APPL1: variants seen among roughly 807,000 people sequenced by gnomAD.
The protein encoded by APPL1 is adaptor protein, phosphotyrosine interacting with PH domain and leucine zipper 1, also known as DCC-interacting protein 13-alpha.
Under a neutral mutation model 106.8 loss-of-function variants are expected in APPL1, and 42 were observed. That is an observed-to-expected ratio of 0.39 (90% CI 0.31 to 0.51). The LOEUF is 0.51. Among genes scored for constraint, APPL1 ranks in the 20% least tolerant of loss-of-function variants. APPL1 has a pLI of 0.75. For synonymous variants in APPL1, 263 were observed against 281.8 expected (o/e 0.93, Z 0.67); for missense variants, 769 against 858.2 (o/e 0.90, Z 1.30).
intron 4 of APPL1, 137 bp from the exon 5 acceptor site, chr3:57,240,328 A>G: frequency 1.5e-6 from 1 of 658,616 alleles, no homozygotes; most frequent in South Asian, 1.9e-5. Context: ...AGTATTTTGT[A>G]CTATATCACA....
intron 13 of APPL1, among the ~76,000 whole-genome samples, chr3:57,255,952 A>G (rs1034974220): frequency 6.6e-6 from 1 of 152,202 alleles, no homozygotes; most frequent in Non-Finnish European, 1.5e-5. Context: ...TTTTATCTGT[A>G]TTAGTGAGAA....
chr3:57,265,561 C>G (rs575770066), intron 19 of APPL1, among the ~76,000 whole-genome samples: 1 of 152,046 alleles, frequency 6.6e-6, no homozygotes, highest in African/African-American at 2.4e-5. Context: ...AGATTGTTCA[C>G]TGTTGGCATA....
At chr3:57,242,267 A>C in intron 6 of APPL1, 125 bp downstream of exon 6, 1 of 682,674 alleles carries the variant, frequency 1.5e-6, no homozygotes, top group South Asian at 2.5e-5. Context: ...ACATTACTTA[A>C]ATCAGTATTG....
Position 57,238,047 on chromosome 3 carries a change from T to G in APPL1, c.216T>G (p.Arg72=), listed in dbSNP as rs1464180060. ...CTCATCTGTTTCTTGCTTTTCAGCGTTTTCCATTGGGAGGTGATGATGAAG... is the reference window on the plus strand; with the variant it reads ...CTCATCTGTTTCTTGCTTTTCAGCGGTTTCCATTGGGAGGTGATGATGAAG... ...SKLLKEYEKQ[R]FPLGGDDEVM... Residue 72 remains arginine (R), a splice_region_variant and synonymous_variant, in exon 4 of 22, where the codon CGT becomes CGG. Coordinates refer to ENST00000288266, the MANE Select transcript of APPL1 (RefSeq NM_012096.3). 4 of 1,607,672 alleles carry G rather than the reference T, an allele frequency of 2.5e-6. No homozygotes were observed. In the African/African-American group the frequency reaches 5.4e-5, roughly 22 times the overall value.
chr3:57,250,814 T>TC (rs2060799752), intron 11 of APPL1, among the ~76,000 whole-genome samples: 1 of 144,800 alleles, frequency 6.9e-6, no homozygotes, highest in African/African-American at 2.5e-5. Flanking sequence ...CTTTTTTTTT[T>TC]TTTTTTTTTT....
chr3:57,230,263 A>G (rs947945580), intron 1 of APPL1, among the ~76,000 whole-genome samples: 1 of 152,120 alleles, frequency 6.6e-6, no homozygotes, highest in Admixed American at 6.5e-5. Context: ...AAATCATTCA[A>G]CTTCTCTGAA....
chr3:57,268,163 C>T, intron 20 of APPL1: 1 of 488,436 alleles, frequency 2.0e-6, no homozygotes, highest in Non-Finnish European at 3.6e-6. Context: ...TTAGCTCTTT[C>T]ATATTAGCAA....
chr3:57,250,980 TG>T, intron 11 of APPL1, among the ~76,000 whole-genome samples: 1 of 148,856 alleles, frequency 6.7e-6, no homozygotes, highest in East Asian at 2.0e-4. Context: ...GCTAATTTTT[TG>T]TATTTTTAGT....
At chr3:57,254,407 G>A (rs2060824164) in intron 13 of APPL1, among the ~76,000 whole-genome samples, 2 of 152,186 alleles carry the variant, frequency 1.3e-5, no homozygotes, top group African/African-American at 4.8e-5. Context: ...AAAACAGGAT[G>A]TAACTGAAAG....
In APPL1 at chr3:57,248,210, A is replaced by C. The variant is rs201812017; in HGVS notation, c.722A>C (p.Asp241Ala). Residue 241 changes from aspartate to alanine, a missense_variant, in exon 10 of 22, where the codon GAC becomes GCC. Physicochemically the swap from Asp to Ala is moderately radical, Grantham distance 126. Coordinates refer to ENST00000288266, the MANE Select transcript of APPL1 (RefSeq NM_012096.3). Reference protein sequence around the residue: ...TSVQNVRREMDSDIETMQQTI... With the variant: ...TSVQNVRREMASDIETMQQTI... ...TGTGTCAGTGTTCGCAGGGAAATGG[A>C]CAGTGATATAGAGACCATGCAACAG... 6.2e-7 allele frequency: 1 copy of C among 1,612,726 alleles called. No homozygotes were observed. Among genetic ancestry groups the C allele is most frequent in the African/African-American group, 1.3e-5 (1 of 75,020 alleles).
intron 1 of APPL1, among the ~76,000 whole-genome samples, chr3:57,232,577 A>G (rs1251911139): frequency 6.6e-6 from 1 of 152,222 alleles, no homozygotes; most frequent in Non-Finnish European, 1.5e-5. Flanking sequence ...AAATTTGCTG[A>G]ATGAGTATCA....
intron 7 of APPL1, among the ~76,000 whole-genome samples, chr3:57,244,275 C>T (rs558131383): frequency 6.6e-6 from 1 of 152,016 alleles, no homozygotes; most frequent in African/African-American, 2.4e-5. Flanking sequence ...CCTGTTTCAG[C>T]CTCCCCAGTA....
chr3:57,230,845 G>A lies in APPL1; in HGVS notation c.54+2908G>A, dbSNP rs913249874. The A allele has an allele frequency of 9.7e-6, 4 of 412,412 alleles. No individual in the cohort carries two copies. The East Asian group carries it at 2.4e-4, about 25-fold the overall frequency. 25.5% of individuals were successfully genotyped at this position (412,412 alleles called of 1,614,324 possible). A position where few individuals can be genotyped will look rare whatever the true frequency, so the allele number is the denominator to read the frequency against. The stretch of plus-strand genomic sequence containing the variant: ...ATTGCAGTGGCACAGCCATAGCTCT[G>A]AAACCTCAAACTCCTGGGCACACGC... On this transcript the variant is annotated intron_variant, in intron 1 of 21. Coordinates refer to ENST00000288266, the MANE Select transcript of APPL1 (RefSeq NM_012096.3).
At chr3:57,248,536 C>G (rs1053540028) in intron 10 of APPL1, among the ~76,000 whole-genome samples, 185 bp downstream of exon 10, 1 of 152,106 alleles carries the variant, frequency 6.6e-6, no homozygotes, top group East Asian at 1.9e-4. Context: ...GAAGTAAAAT[C>G]CTACCTAGAT....
In APPL1 at chr3:57,269,554, A is replaced by T; in HGVS notation, c.1997A>T (p.Gln666Leu). Reference protein sequence around the residue: ...QKQIEKDLEEQSRLIAASSRP... With the variant: ...QKQIEKDLEELSRLIAASSRP... ...CTTTTCCACTAGGACTTGGAAGAAC[A>T]AAGTCGGTTGATAGCTGCTTCCAGT... is the stretch of plus-strand genomic sequence containing the variant. The change falls in exon 22 of 22, where the codon CAA becomes CTA. Residue 666 changes from glutamine (Q) to leucine (L), a missense_variant. Physicochemically the swap from Gln to Leu is moderately radical, Grantham distance 113. Transcript: ENST00000288266. 1.2e-6 allele frequency: 2 copies of T among 1,613,860 alleles called. No individual in the cohort carries two copies. The highest frequency in any genetic ancestry group is 8.5e-7 in the Non-Finnish European group (1 of 1,179,934).
chr3:57,236,543 G>T (rs2060717730), intron 2 of APPL1, among the ~76,000 whole-genome samples: 1 of 151,914 alleles, frequency 6.6e-6, no homozygotes, highest in Non-Finnish European at 1.5e-5. Context: ...GGCCAGGCTG[G>T]TCTCGAACTC....
At chr3:57,264,230 T>G (rs1015332432) in intron 19 of APPL1, among the ~76,000 whole-genome samples, 3 of 152,214 alleles carry the variant, frequency 2.0e-5, no homozygotes, top group Admixed American at 1.3e-4. Flanking sequence ...TAAATCAGAT[T>G]AAGGTTTTTC....
At chr3:57,255,106 A>C (rs916349739) in intron 13 of APPL1, among the ~76,000 whole-genome samples, 6 of 152,228 alleles carry the variant, frequency 3.9e-5, no homozygotes, top group Non-Finnish European at 7.3e-5. Flanking sequence ...AAGTGTAGAC[A>C]CAGCCACAGG....
chr3:57,247,445 A>C lies in APPL1; in HGVS notation c.672A>C (p.Glu224Asp). 1 of 1,610,942 alleles carries C rather than the reference A, an allele frequency of 6.2e-7. No homozygotes were observed. Among genetic ancestry groups the C allele is most frequent in the Non-Finnish European group, 8.5e-7 (1 of 1,177,782 alleles). Residue 224 changes from glutamate (E) to aspartate (D), a missense_variant, in exon 9 of 22, where the codon GAA (glutamate) becomes GAC (aspartate). Glu to Asp is a conservative substitution (Grantham distance 45). Coordinates refer to ENST00000288266, the MANE Select transcript of APPL1 (RefSeq NM_012096.3). ...AAAATCTTAATGAACAACTGGAAGA[A>C]TTTTTAGCTAATATTGGAACAAGCG... ...GSENLNEQLE[E>D]FLANIGTSVQ...
Sources: allele counts gnomAD v4.1 joint callset (sites outside exome capture counted in the v4.1 genomes callset), GRCh38; gene constraint gnomAD v4.1.1; transcripts MANE v1.5; gene names NCBI Gene and HGNC (gene_info 2026-07-23, HGNC 2026-07-21).